FYCO1: variants seen among roughly 807,000 people sequenced by gnomAD.
FYCO1 encodes FYVE and coiled-coil domain-containing protein 1.
Under a neutral mutation model 165.1 loss-of-function variants are expected in FYCO1, and 122 were observed. The ratio of observed to expected loss-of-function variants is 0.74; its 90% CI spans 0.64 to 0.86. The LOEUF is 0.86. Ranked by LOEUF, FYCO1 falls within the 40% of genes least tolerant of loss-of-function variation. The pLI, the probability that FYCO1 is intolerant of heterozygous loss-of-function variation, is 0.00. For synonymous variants in FYCO1, 648 were observed against 742.5 expected (o/e 0.87, Z 2.07); for missense variants, 1,702 against 1,810.3 (o/e 0.94, Z 1.09).
intron 3 of FYCO1, among the ~76,000 whole-genome samples, chr3:45,981,190 C>T (rs1332183551): frequency 2.6e-5 from 4 of 152,142 alleles, no homozygotes; most frequent in Admixed American, 6.5e-5. Flanking sequence ...TGCAAAAATG[C>T]GTGATTGTGT....
chr3:45,950,868 G>A (rs571219839), intron 14 of FYCO1, among the ~76,000 whole-genome samples: 14 of 152,250 alleles, frequency 9.2e-5, no homozygotes, highest in South Asian at 2.1e-4. Context: ...GTCAACCCAC[G>A]CGCAAGGTGG....
chr3:45,938,682 C>T (rs1355518562), intron 14 of FYCO1, among the ~76,000 whole-genome samples: 3 of 152,252 alleles, frequency 2.0e-5, no homozygotes, highest in East Asian at 3.9e-4. Flanking sequence ...TTAGTAGATA[C>T]GGGGTTTCAC....
intron 13 of FYCO1, among the ~76,000 whole-genome samples, chr3:45,956,337 AAAAT>A (rs56249293): frequency 0.12 from 17,893 of 148,970 alleles, 3,143 homozygotes; most frequent in African/African-American, 0.39. Context: ...CTTAGTCTCA[AAAAT>A]AAATAAATAA....
intron 14 of FYCO1, among the ~76,000 whole-genome samples, chr3:45,949,020 A>G (rs1704820041): frequency 6.6e-6 from 1 of 152,178 alleles, no homozygotes; most frequent in South Asian, 2.1e-4. Context: ...TGGTGACACA[A>G]AATGGAAGCC....
chr3:45,991,023 C>T (rs983021920), intron 1 of FYCO1, among the ~76,000 whole-genome samples: 1 of 152,084 alleles, frequency 6.6e-6, no homozygotes, highest in Non-Finnish European at 1.5e-5. Flanking sequence ...CGTGATCCAC[C>T]CGCCTTGGCC....
At chr3:45,942,926 G>C (rs1372967565) in intron 14 of FYCO1, among the ~76,000 whole-genome samples, 1 of 152,212 alleles carries the variant, frequency 6.6e-6, no homozygotes, top group Non-Finnish European at 1.5e-5. Context: ...GGTAATGACA[G>C]ATACCTGAGT....
At chr3:45,922,350 G>A (rs1292995519) in intron 17 of FYCO1, among the ~76,000 whole-genome samples, 6 of 152,224 alleles carry the variant, frequency 3.9e-5, no homozygotes, top group Non-Finnish European at 8.8e-5. Context: ...AGCCTGCTCG[G>A]GCTTGGGACG....
intron 17 of FYCO1, among the ~76,000 whole-genome samples, chr3:45,922,056 T>C (rs947116004): frequency 6.6e-6 from 1 of 152,192 alleles, no homozygotes; most frequent in South Asian, 2.1e-4. Context: ...GAGGCTTGGG[T>C]GCAGAAATGC....
In FYCO1 at chr3:45,969,719, T is replaced by C; in HGVS notation, c.586A>G (p.Ser196Gly). ...GSSAYLWKPP[S>G]RSSSMSSLVS... is the part of the protein sequence containing the mutation. ...AAGCTGCTCATGCTGGAGCTGCGGC[T>C]AGGGGGTTTCCACAGGTAAGCAGAA... is the stretch of plus-strand genomic sequence containing the variant. Residue 196 changes from serine (S) to glycine (G), a missense_variant, in exon 7 of 18, where the codon AGC becomes GGC. Transcript: ENST00000296137. The C allele has an allele frequency of 6.2e-7, 1 of 1,614,066 alleles. No individual in the cohort carries two copies. The highest frequency in any genetic ancestry group is 8.5e-7 in the Non-Finnish European group (1 of 1,180,004).
At chr3:45,954,369 C>G (rs893385152) in intron 14 of FYCO1, among the ~76,000 whole-genome samples, 1 of 152,108 alleles carries the variant, frequency 6.6e-6, no homozygotes, top group Non-Finnish European at 1.5e-5. Flanking sequence ...ACAGTATTAG[C>G]CTGCAGTGTT....
At chr3:45,933,478 C>G (rs1703733105) in intron 15 of FYCO1, among the ~76,000 whole-genome samples, 1 of 152,184 alleles carries the variant, frequency 6.6e-6, no homozygotes, top group African/African-American at 2.4e-5. Context: ...TCTGTGTGGT[C>G]TAGTTATTTC....
chr3:45,958,373 G>C lies in FYCO1; in HGVS notation c.3799+35C>G, dbSNP rs746990625. On this transcript the variant is annotated intron_variant, in intron 13 of 17. Coordinates refer to ENST00000296137, the MANE Select transcript of FYCO1 (RefSeq NM_024513.4). ...TCGGTAGGGGAGGAAGTGGCACCTA[G>C]AGAACATAGTAGGCAGTAGTAGCAG... 10 of 1,587,020 alleles carry C rather than the reference G, an allele frequency of 6.3e-6. No individual in the cohort carries two copies. The African/African-American group carries it at 1.1e-4, about 17-fold the overall frequency.
In FYCO1 at chr3:45,968,696, T is replaced by C. The variant is rs1706253947; in HGVS notation, c.638A>G (p.Glu213Gly). The change falls in exon 8 of 18, where the codon GAG (glutamate) becomes GGG (glycine). Residue 213 changes from glutamate (E) to glycine (G), a missense_variant. Glu to Gly is a moderately conservative substitution (Grantham distance 98, BLOSUM62 -2). Transcript: ENST00000296137. ...GTTCAGGTCAAAGTTGGACACCATCTCTTGAGTCTGGGAGGGAAAACACAA... is the reference window on the plus strand; with the variant it reads ...GTTCAGGTCAAAGTTGGACACCATCCCTTGAGTCTGGGAGGGAAAACACAA... ...SLVSSYLQTQ[E>G]MVSNFDLNSP... 6 of 1,614,192 alleles carry C rather than the reference T, an allele frequency of 3.7e-6. No homozygotes were observed.
At position 45,919,383 on chromosome 3, in the gene FYCO1, G is replaced by A. The variant is rs866404719; in HGVS notation, c.*2382C>T. 2 of 152,292 alleles carry A rather than the reference G, an allele frequency of 1.3e-5. No individual in the cohort carries two copies. The highest frequency in any genetic ancestry group is 2.1e-4 in the South Asian group (1 of 4,812). The allele number at this position is 152,292 out of a possible 1,614,324, so 9.4% of individuals were successfully genotyped here. A position where few individuals can be genotyped will look rare whatever the true frequency, so the allele number is the denominator to read the frequency against. On this transcript the variant is annotated 3_prime_UTR_variant, in exon 18 of 18. Transcript: ENST00000296137. ...TCCACCCAGCACAAAAAATAAATTCGCTAATGAAACCACATAGTTAGGAAG... is the reference window on the plus strand; with the variant it reads ...TCCACCCAGCACAAAAAATAAATTCACTAATGAAACCACATAGTTAGGAAG...
intron 16 of FYCO1, 138 bp downstream of exon 16, chr3:45,930,933 G>A: frequency 2.4e-6 from 2 of 817,312 alleles, no homozygotes; most frequent in Non-Finnish European, 4.1e-6. Context: ...TGCCTTCTCT[G>A]CATGATACTG....
chr3:45,918,988 G>A lies in FYCO1; in HGVS notation c.*2777C>T, dbSNP rs1184044535. On this transcript the variant is annotated 3_prime_UTR_variant, in exon 18 of 18. Transcript: ENST00000296137. ...TTGAAGGTGGTGAGTGGCTTCAGTG[G>A]CATGATGAAGAAGGCATCTGGTATC... 1 of 151,666 alleles carries A rather than the reference G, an allele frequency of 6.6e-6. No individual in the cohort carries two copies. The highest frequency in any genetic ancestry group is 1.5e-5 in the Non-Finnish European group (1 of 68,022). The allele number at this position is 151,666 out of a possible 1,614,324, so 9.4% of individuals were successfully genotyped here.
intron 14 of FYCO1, among the ~76,000 whole-genome samples, chr3:45,950,525 G>T (rs1704945770): frequency 6.6e-6 from 1 of 152,110 alleles, no homozygotes; most frequent in Non-Finnish European, 1.5e-5. Context: ...AAGCGAAGAG[G>T]ATGGGGCCCA....
chr3:45,985,684 C>G (rs550147968), intron 1 of FYCO1, among the ~76,000 whole-genome samples: 26 of 152,336 alleles, frequency 1.7e-4, no homozygotes, highest in African/African-American at 6.3e-4. Flanking sequence ...AGCCCCTGCA[C>G]CAGGCAATGG....
At position 45,941,849 on chromosome 3, in the gene FYCO1, C is replaced by G. The variant is rs567967441; in HGVS notation, c.3945-5306G>C. 1.6e-4 allele frequency among the ~76,000 whole-genome samples: 24 copies of G among 152,280 alleles called. 1 individual carries two copies. The Middle Eastern group carries it at 0.014, about 86-fold the overall frequency. On this transcript the variant is annotated intron_variant, in intron 14 of 17. Coordinates refer to ENST00000296137, the MANE Select transcript of FYCO1 (RefSeq NM_024513.4). ...GTCTTGAATGGCATGGTTGGTTGTC[C>G]CTGGGTAAAACTCAGCTCTCAAAGC...
Sources: allele counts gnomAD v4.1 joint callset (sites outside exome capture counted in the v4.1 genomes callset), GRCh38; gene constraint gnomAD v4.1.1; transcripts MANE v1.5; gene names NCBI Gene and HGNC (gene_info 2026-07-23, HGNC 2026-07-21).